The following SOX5 variants were observed in gnomAD, a reference collection of about 807,000 sequenced individuals.
The protein encoded by SOX5 is SRY-box transcription factor 5, also known as transcription factor SOX-5.
In SOX5, 9 loss-of-function variants were observed where a neutral mutation model predicts 92.0. The ratio of observed to expected loss-of-function variants is 0.10; its 90% CI spans 0.06 to 0.17. The LOEUF is 0.17. Ranked by LOEUF, SOX5 falls within the 10% of genes least tolerant of loss-of-function variation. The pLI, the probability that SOX5 is intolerant of heterozygous loss-of-function variation, is 1.00. For missense variants in SOX5, 642 were observed against 944.5 expected (o/e 0.68, Z 4.20); for synonymous variants, 344 against 336.3 (o/e 1.02, Z -0.25).
intron 4 of SOX5, among the ~76,000 whole-genome samples, chr12:23,956,307 G>T (rs1274790375): frequency 6.6e-6 from 1 of 152,130 alleles, no homozygotes; most frequent in Non-Finnish European, 1.5e-5. Flanking sequence ...CTAAGGCAGG[G>T]ATCTCCAACC....
intron 6 of SOX5, among the ~76,000 whole-genome samples, chr12:23,720,722 T>A (rs2092768887): frequency 6.6e-6 from 1 of 152,198 alleles, no homozygotes; most frequent in Non-Finnish European, 1.5e-5. Flanking sequence ...AAATTTAAGA[T>A]TTCCTAATTG....
At position 23,581,888 on chromosome 12, in the gene SOX5, G is replaced by GAAAA. The variant is rs200972596; in HGVS notation, c.1165-6054_1165-6051dup. 5.3e-5 allele frequency among the ~76,000 whole-genome samples: 8 copies of GAAAA among 150,894 alleles called. No individual in the cohort carries two copies. The East Asian group carries it at 9.7e-4, about 18-fold the overall frequency. ...ATTCTTCAACAGCCACACAATGATTGAAAAAATATATATATATATATGTAT... is the reference window on the plus strand; with the variant it reads ...ATTCTTCAACAGCCACACAATGATTGAAAAAAAAAATATATATATATATATGTAT... On this transcript the variant is annotated intron_variant, in intron 9 of 14. Coordinates refer to ENST00000451604, the MANE Select transcript of SOX5 (RefSeq NM_006940.6).
At chr12:23,943,624 A>G (rs1393214085) in intron 1 of SOX5, among the ~76,000 whole-genome samples, 2 of 152,124 alleles carry the variant, frequency 1.3e-5, no homozygotes, top group Admixed American at 6.6e-5. Context: ...ACAGCAAAAC[A>G]AATCTCTGAA....
At position 24,094,638 on chromosome 12, in the gene SOX5, A is replaced by G. The variant is rs564272105; in HGVS notation, c.-2+118705T>C. Among the ~76,000 whole-genome samples the G allele has an allele frequency of 3.9e-5, 6 of 152,150 alleles. No homozygotes were observed. The South Asian group carries it at 8.3e-4, about 21-fold the overall frequency. On this transcript the variant is annotated intron_variant, in intron 4 of 4. Coordinates refer to the SOX5 transcript ENST00000446891. ...TTTGCTTTTCAGTTTAAGGTTTTTG[A>G]GCCACCTGGGATTTATTCTGTCACC...
At chr12:23,789,518 G>C (rs935141604) in intron 3 of SOX5, among the ~76,000 whole-genome samples, 1 of 152,000 alleles carries the variant, frequency 6.6e-6, no homozygotes, top group African/African-American at 2.4e-5. Flanking sequence ...TCTTTCAATT[G>C]AAGTATCACG....
At chr12:24,284,305 G>A (rs1183992581) in intron 2 of SOX5, among the ~76,000 whole-genome samples, 3 of 152,108 alleles carry the variant, frequency 2.0e-5, no homozygotes, top group Admixed American at 6.5e-5. Context: ...AATCCCTGGT[G>A]TAGGCTGATC....
intron 1 of SOX5, among the ~76,000 whole-genome samples, chr12:24,392,503 C>A (rs1412070730): frequency 6.6e-6 from 1 of 152,026 alleles, no homozygotes; most frequent in Admixed American, 6.6e-5. Context: ...AGTCTCCCCA[C>A]AGATCTTCAC....
chr12:24,344,217 A>C (rs1952925471), intron 2 of SOX5, among the ~76,000 whole-genome samples: 1 of 137,322 alleles, frequency 7.3e-6, no homozygotes, highest in Non-Finnish European at 1.6e-5. Flanking sequence ...AGGGAGTCGG[A>C]GGTTGCAGTG....
At chr12:23,648,315 G>A (rs2081131255) in intron 7 of SOX5, among the ~76,000 whole-genome samples, 1 of 152,112 alleles carries the variant, frequency 6.6e-6, no homozygotes, top group Non-Finnish European at 1.5e-5. Context: ...ACACACTAAA[G>A]CAAAACACAG....
intron 4 of SOX5, among the ~76,000 whole-genome samples, chr12:23,963,765 T>TAAAAAAAAA (rs60053598): frequency 1.6e-5 from 2 of 125,852 alleles, no homozygotes; most frequent in Admixed American, 8.3e-5. Flanking sequence ...ATGAATGAAG[T>TAAAAAAAAA]AAAAAAAAAA....
At chr12:23,606,042 G>C (rs2075213505) in intron 8 of SOX5, among the ~76,000 whole-genome samples, 1 of 151,910 alleles carries the variant, frequency 6.6e-6, no homozygotes, top group African/African-American at 2.4e-5. Context: ...CTTCAAAAAG[G>C]AAGACTTGAG....
intron 2 of SOX5, among the ~76,000 whole-genome samples, chr12:24,350,391 C>T (rs1953921301): frequency 6.6e-6 from 1 of 152,138 alleles, no homozygotes; most frequent in Non-Finnish European, 1.5e-5. Context: ...TACTCTGTCA[C>T]CCAGGATGGA....
intron 4 of SOX5, among the ~76,000 whole-genome samples, chr12:24,188,661 G>A (rs927532994): frequency 1.3e-5 from 2 of 152,094 alleles, no homozygotes; most frequent in Non-Finnish European, 2.9e-5. Flanking sequence ...CAGCATCAAG[G>A]AAAAGGCCAA....
chr12:24,036,376 C>T (rs956007037), intron 4 of SOX5, among the ~76,000 whole-genome samples: 4 of 152,042 alleles, frequency 2.6e-5, no homozygotes, highest in Admixed American at 1.3e-4. Context: ...CAGCTTTTGG[C>T]ATTCAAATGC....
At position 23,932,588 on chromosome 12, in the gene SOX5, G is replaced by A. The variant is rs1253027216; in HGVS notation, c.38+16976C>T. ...ATCAGAAAAGAAAGAAATAGAAAGT[G>A]AAGGGGGCAAAGTTAATAGTAAAAA... On this transcript the variant is annotated intron_variant, in intron 1 of 14. Transcript: ENST00000451604. 1.3e-4 allele frequency among the ~76,000 whole-genome samples: 20 copies of A among 151,594 alleles called. No individual in the cohort carries two copies. The Admixed American group carries it at 1.3e-3, about 10-fold the overall frequency.
chr12:24,051,296 G>C (rs1957541634), intron 4 of SOX5, among the ~76,000 whole-genome samples: 1 of 152,008 alleles, frequency 6.6e-6, no homozygotes, highest in Admixed American at 6.5e-5. Flanking sequence ...ATGATGGGAA[G>C]ACTCAAATTT....
At chr12:24,496,229 G>A (rs938454878) in intron 1 of SOX5, among the ~76,000 whole-genome samples, 5 of 152,056 alleles carry the variant, frequency 3.3e-5, no homozygotes, top group Admixed American at 6.5e-5. Flanking sequence ...GAAGAGTAAC[G>A]CCTAAACATC....
At chr12:24,173,613 G>A (rs1308142397) in intron 4 of SOX5, among the ~76,000 whole-genome samples, 1 of 152,006 alleles carries the variant, frequency 6.6e-6, no homozygotes, top group Non-Finnish European at 1.5e-5. Context: ...CTAAGGCCAT[G>A]GTTATCAATC....
rs528630147 is a variant in SOX5, at chr12:23,781,919, G to C, written c.482-26195C>G. ...GAGTCATGATATTGTTAAACTAACAGAATATAATAACTTTCTAAGGTTAAA... is the reference window on the plus strand; with the variant it reads ...GAGTCATGATATTGTTAAACTAACACAATATAATAACTTTCTAAGGTTAAA... On this transcript the variant is annotated intron_variant, in intron 3 of 14. Transcript: ENST00000451604. Among the ~76,000 whole-genome samples, 3 of 152,152 alleles carry C rather than the reference G, an allele frequency of 2.0e-5. No homozygotes were observed. In the South Asian group the frequency reaches 6.2e-4, roughly 32 times the overall value.
Sources: allele counts gnomAD v4.1 joint callset (sites outside exome capture counted in the v4.1 genomes callset), GRCh38; gene constraint gnomAD v4.1.1; transcripts MANE v1.5; gene names NCBI Gene and HGNC (gene_info 2026-07-23, HGNC 2026-07-21).